The following C10orf67 variants were observed in gnomAD, a reference collection of about 807,000 sequenced individuals.
The protein encoded by C10orf67 is chromosome 10 open reading frame 67.
In C10orf67, 60 loss-of-function variants were observed where a neutral mutation model predicts 35.6. That is an observed-to-expected ratio of 1.68 (90% CI 1.37 to 2.09). The LOEUF is 2.09. C10orf67 is among the 30% of genes most tolerant of loss of function. The pLI, the probability that C10orf67 is intolerant of heterozygous loss-of-function variation, is 0.00. For missense variants in C10orf67, 474 were observed against 330.2 expected (o/e 1.44, Z -3.38); for synonymous variants, 167 against 115.8 (o/e 1.44, Z -2.84).
At chr10:23,265,495 G>C (rs570778822) in intron 10 of C10orf67, among the ~76,000 whole-genome samples, 4 of 152,348 alleles carry the variant, frequency 2.6e-5, no homozygotes, top group Admixed American at 2.6e-4. Context: ...GGCCATATGT[G>C]TCACCAATTG....
chr10:23,284,210 C>T (rs1033991246), intron 7 of C10orf67, among the ~76,000 whole-genome samples: 12 of 151,230 alleles, frequency 7.9e-5, no homozygotes, highest in Admixed American at 2.0e-4. Context: ...ACACCCCCTT[C>T]CCCACACCCC....
At chr10:23,252,640 AATTTCTC>A (rs1842485581) in intron 10 of C10orf67, among the ~76,000 whole-genome samples, 1 of 152,230 alleles carries the variant, frequency 6.6e-6, no homozygotes. Context: ...AGCTGCCTGA[AATTTCTC>A]ATTTGGGCAA....
In C10orf67 at chr10:23,329,798, A is replaced by AAAAG. The variant is rs1491358523; in HGVS notation, c.327+3263_327+3264insCTTT. 8.9e-5 allele frequency among the ~76,000 whole-genome samples: 2 copies of AAAAG among 22,440 alleles called. 1 individual carries two copies. The highest frequency in any genetic ancestry group is 2.3e-4 in the African/African-American group (2 of 8,700). The allele number at this position is 22,440 out of a possible 152,430, so 14.7% of individuals were successfully genotyped here. A position where few individuals can be genotyped will look rare whatever the true frequency, so the allele number is the denominator to read the frequency against. ...GGGCAACAGAACAAGAACTTGTCTC[A>AAAAG]AAAAAAAAAAAAAAAAAAGAAAAGA... On this transcript the variant is annotated intron_variant, in intron 2 of 15. Coordinates refer to ENST00000636213, the MANE Select transcript of C10orf67 (RefSeq NM_001371909.1).
At chr10:23,307,156 T>G (rs889357887) in intron 4 of C10orf67, among the ~76,000 whole-genome samples, 14 of 152,232 alleles carry the variant, frequency 9.2e-5, no homozygotes, top group Admixed American at 7.2e-4. Flanking sequence ...AAAAAAAGGA[T>G]GAAATGCTTT....
chr10:23,257,108 G>T (rs142877319), intron 10 of C10orf67, among the ~76,000 whole-genome samples: 2 of 152,218 alleles, frequency 1.3e-5, no homozygotes, highest in African/African-American at 4.8e-5. Context: ...AATGGTAATT[G>T]TCTTGGACCT....
intron 12 of C10orf67, among the ~76,000 whole-genome samples, chr10:23,243,391 T>G (rs192420463): frequency 1.3e-5 from 2 of 152,070 alleles, no homozygotes; most frequent in Non-Finnish European, 2.9e-5. Flanking sequence ...GTGATAAAAT[T>G]TTTCATTCCT....
At chr10:23,260,777 T>C (rs190638394) in intron 10 of C10orf67, among the ~76,000 whole-genome samples, 60 of 152,356 alleles carry the variant, frequency 3.9e-4, no homozygotes, top group Non-Finnish European at 6.0e-4. Flanking sequence ...ATCAGCTGTT[T>C]GGATGCTTCA....
intron 1 of C10orf67, chr10:23,344,329 C>T: frequency 1.8e-6 from 1 of 558,344 alleles, no homozygotes; most frequent in Non-Finnish European, 3.2e-6. Context: ...GGGGAGGGAG[C>T]ACGCGCGGGA....
chr10:23,228,477 A>G (rs1841807327), intron 13 of C10orf67, among the ~76,000 whole-genome samples: 1 of 152,248 alleles, frequency 6.6e-6, no homozygotes, highest in Admixed American at 6.5e-5. Flanking sequence ...ACCTAAAACC[A>G]TAAAAACCCT....
intron 10 of C10orf67, among the ~76,000 whole-genome samples, chr10:23,264,556 T>C (rs1158837055): frequency 6.6e-6 from 1 of 152,166 alleles, no homozygotes; most frequent in African/African-American, 2.4e-5. Flanking sequence ...TTGTCAGTCT[T>C]TGTCCTTTAT....
At chr10:23,218,354 C>T (rs1347460046) in intron 15 of C10orf67, among the ~76,000 whole-genome samples, 1 of 136,846 alleles carries the variant, frequency 7.3e-6, no homozygotes, top group Non-Finnish European at 1.5e-5. Context: ...CCCCATGTTG[C>T]TCAGGTGGTT....
intron 15 of C10orf67, among the ~76,000 whole-genome samples, chr10:23,218,327 T>TC (rs386370929): frequency 6.6e-6 from 1 of 150,656 alleles, no homozygotes; most frequent in Admixed American, 6.6e-5. Flanking sequence ...TTTTTTTTTT[T>TC]TGTAGAGACG....
intron 10 of C10orf67, among the ~76,000 whole-genome samples, chr10:23,251,715 G>A (rs1462761299): frequency 6.6e-6 from 1 of 151,968 alleles, no homozygotes; most frequent in Admixed American, 6.6e-5. Context: ...CGTAATAATG[G>A]TCATATTAGT....
intron 12 of C10orf67, among the ~76,000 whole-genome samples, chr10:23,248,273 G>A (rs899300575): frequency 1.3e-4 from 20 of 152,180 alleles, no homozygotes; most frequent in Non-Finnish European, 2.4e-4. Flanking sequence ...GCATCACCGC[G>A]GCATCAGCCT....
chr10:23,313,181 A>G (rs1348424781), intron 4 of C10orf67, among the ~76,000 whole-genome samples: 5 of 152,198 alleles, frequency 3.3e-5, no homozygotes, highest in Admixed American at 3.3e-4. Context: ...TTATGCACCC[A>G]CTGGGTACAA....
intron 12 of C10orf67, among the ~76,000 whole-genome samples, chr10:23,243,090 A>T (rs934826387): frequency 1.3e-5 from 2 of 152,188 alleles, no homozygotes; most frequent in African/African-American, 2.4e-5. Context: ...TAAGCTAAAG[A>T]GCATTACTAA....
chr10:23,279,940 C>T (rs972303428), intron 8 of C10orf67, among the ~76,000 whole-genome samples: 1 of 152,226 alleles, frequency 6.6e-6, no homozygotes, highest in South Asian at 2.1e-4. Flanking sequence ...TGTCAAACTC[C>T]TAGGCTCAAG....
intron 5 of C10orf67, among the ~76,000 whole-genome samples, chr10:23,298,121 G>A (rs898421253): frequency 1.3e-4 from 20 of 152,140 alleles, no homozygotes; most frequent in African/African-American, 1.4e-4. Context: ...CAGGCGTGGT[G>A]GTGTGCACCT....
intron 15 of C10orf67, 126 bp downstream of exon 15, chr10:23,223,471 TG>T: frequency 1.5e-6 from 1 of 657,850 alleles, no homozygotes; most frequent in South Asian, 1.8e-5. Flanking sequence ...TTTTATAAAG[TG>T]GCTGAAAAAA....
Sources: gnomAD v4.1 joint callset for allele counts (sites outside exome capture counted in the v4.1 genomes callset) on GRCh38, gnomAD v4.1.1 for gene constraint, MANE v1.5 for transcripts, NCBI Gene and HGNC (gene_info 2026-07-23, HGNC 2026-07-21) for gene names.